Variants in RAD21L1 observed in about 807,000 individuals in gnomAD.
The protein encoded by RAD21L1 is RAD21 cohesin complex component like 1, also known as double-strand-break repair protein rad21-like protein 1.
A neutral mutation model predicts 69.0 loss-of-function variants in RAD21L1; 47 were observed. That is an observed-to-expected ratio of 0.68 (90% CI 0.54 to 0.87). The LOEUF is 0.87. Ranked by LOEUF, RAD21L1 falls within the 40% of genes least tolerant of loss-of-function variation. The pLI is 0.00. For missense variants in RAD21L1, 583 were observed against 647.6 expected (o/e 0.90, Z 1.08); for synonymous variants, 177 against 205.8 (o/e 0.86, Z 1.20).
At chr20:1,227,736 G>T (rs2087295065) in intron 1 of RAD21L1, among the ~76,000 whole-genome samples, 2 of 152,094 alleles carry the variant, frequency 1.3e-5, no homozygotes, top group Non-Finnish European at 2.9e-5. Flanking sequence ...TTTAAGTGAA[G>T]GTTTTCTTTT....
intron 5 of RAD21L1, among the ~76,000 whole-genome samples, chr20:1,237,322 T>C (rs533224665): frequency 2.0e-5 from 3 of 152,182 alleles, no homozygotes; most frequent in Admixed American, 6.5e-5. Context: ...GGATGCAGGC[T>C]CTGGAGTCAG....
chr20:1,251,689 T>C (rs905916895), intron 13 of RAD21L1, among the ~76,000 whole-genome samples: 1 of 152,082 alleles, frequency 6.6e-6, no homozygotes, highest in Non-Finnish European at 1.5e-5. Flanking sequence ...TTTGTGTTTT[T>C]CTACCCTCTA....
intron 5 of RAD21L1, 36 bp from the exon 6 acceptor site, chr20:1,238,008 T>A: frequency 8.6e-7 from 1 of 1,159,814 alleles, no homozygotes. Flanking sequence ...ATTCTGTGTT[T>A]CTATGAATTA....
At chr20:1,226,551 C>T (rs1205385164) in intron 1 of RAD21L1, among the ~76,000 whole-genome samples, 1 of 152,108 alleles carries the variant, frequency 6.6e-6, no homozygotes, top group Non-Finnish European at 1.5e-5. Flanking sequence ...CCGGCTCAGC[C>T]CTCTCTCCCC....
At position 1,238,219 on chromosome 20, in the gene RAD21L1, G is replaced by T; in HGVS notation, c.646+5G>T. ...GAGCTGCAGGAGAAATGATTGGTAT[G>T]CTATCTGGTCATGTGGAAATAAAAT... On this transcript the variant is annotated splice_donor_5th_base_variant and intron_variant, in intron 6 of 13. Transcript: ENST00000683101. 1 of 1,484,448 alleles carries T rather than the reference G, an allele frequency of 6.7e-7. No individual in the cohort carries two copies. Among genetic ancestry groups the T allele is most frequent in the Non-Finnish European group, 9.1e-7 (1 of 1,102,836 alleles). 92.0% of individuals were successfully genotyped at this position (1,484,448 alleles called of 1,614,324 possible). A position where few individuals can be genotyped will look rare whatever the true frequency, so the allele number is the denominator to read the frequency against.
chr20:1,243,069 A>G (rs537683864), intron 9 of RAD21L1, 28 bp from the exon 10 acceptor site: 172 of 1,437,508 alleles, frequency 1.2e-4, no homozygotes, highest in Non-Finnish European at 1.6e-4. Context: ...TACAAAAACA[A>G]AAAAAACAAA....
chr20:1,230,944 A>C (rs1265136826), intron 3 of RAD21L1: 1 of 157,996 alleles, frequency 6.3e-6, no homozygotes. Context: ...AGTATTTTTA[A>C]AACATTACAG....
Position 1,246,122 on chromosome 20 carries a change from C to A in RAD21L1, c.1309-91C>A. ...ATTTTAAATTAGTTTGAGAAGTGAG[C>A]ATTCATGTGATTAAAGCATTTAATA... On this transcript the variant is annotated intron_variant, in intron 11 of 13. Coordinates refer to ENST00000683101, the MANE Select transcript of RAD21L1 (RefSeq NM_001384355.1). This position sits in a 1 kb window ranked among gnomAD's most constrained non-coding sequence, Gnocchi z 4.6. 1.8e-6 allele frequency: 1 copy of A among 555,066 alleles called. No individual in the cohort carries two copies. Among genetic ancestry groups the A allele is most frequent in the Non-Finnish European group, 3.1e-6 (1 of 324,876 alleles). The allele number at this position is 555,066 out of a possible 1,614,324, so 34.4% of individuals were successfully genotyped here.
chr20:1,248,801 C>A (rs1043895877), intron 13 of RAD21L1, 98 bp downstream of exon 13: 68 of 708,656 alleles, frequency 9.6e-5, no homozygotes, highest in Non-Finnish European at 1.5e-4. Flanking sequence ...AATAATTTTC[C>A]TTATTTTTTT....
intron 2 of RAD21L1, among the ~76,000 whole-genome samples, chr20:1,229,252 T>TA (rs1251856959): frequency 6.6e-6 from 1 of 152,240 alleles, no homozygotes; most frequent in Admixed American, 6.5e-5. Context: ...ATTATTGCTT[T>TA]ATCACTTAAT....
At chr20:1,239,093 CT>C (rs1306824568) in intron 6 of RAD21L1, among the ~76,000 whole-genome samples, 1 of 152,112 alleles carries the variant, frequency 6.6e-6, no homozygotes, top group Non-Finnish European at 1.5e-5. Flanking sequence ...TCCCAATGTG[CT>C]GGGATTATAG....
chr20:1,242,630 A>G lies in RAD21L1; in HGVS notation c.868A>G (p.Lys290Glu). Residue 290 changes from lysine to glutamate, a missense_variant, in exon 9 of 14, where the codon AAA (lysine) becomes GAA (glutamate). Lys to Glu is a moderately conservative substitution (Grantham distance 56, BLOSUM62 1). Coordinates refer to ENST00000683101, the MANE Select transcript of RAD21L1 (RefSeq NM_001384355.1). ...DPIDISDIAE[K>E]RKGKKRRLLI... is the part of the protein sequence containing the mutation. ...TTTCTTATATTTAGACATTGCTGAG[A>G]AAAGGAAAGGCAAAAAGAGGAGATT... 6.4e-7 allele frequency: 1 copy of G among 1,550,404 alleles called. No individual in the cohort carries two copies. Among genetic ancestry groups the G allele is most frequent in the African/African-American group, 1.4e-5 (1 of 73,114 alleles).
At chr20:1,233,584 C>T (rs2087436110) in intron 4 of RAD21L1, among the ~76,000 whole-genome samples, 1 of 152,144 alleles carries the variant, frequency 6.6e-6, no homozygotes, top group Non-Finnish European at 1.5e-5. Flanking sequence ...TCCAGATAAA[C>T]TTGCCAGCAG....
At chr20:1,231,756 A>G (rs980446322) in intron 4 of RAD21L1, 137 bp downstream of exon 4, 6 of 579,638 alleles carry the variant, frequency 1.0e-5, no homozygotes, top group Non-Finnish European at 1.8e-5. Flanking sequence ...TATATTTGGT[A>G]TAAACTCCCA....
At chr20:1,237,228 A>G (rs1026964962) in intron 5 of RAD21L1, among the ~76,000 whole-genome samples, 1 of 152,184 alleles carries the variant, frequency 6.6e-6, no homozygotes, top group Non-Finnish European at 1.5e-5. Context: ...AGAGATTCAA[A>G]CCCAAGAGAG....
At chr20:1,228,311 T>G in intron 1 of RAD21L1, 111 bp from the exon 2 acceptor site, 1 of 521,254 alleles carries the variant, frequency 1.9e-6, no homozygotes, top group Non-Finnish European at 3.3e-6. Context: ...ATTGAATAAT[T>G]GAATTAGAAC....
chr20:1,240,458 T>A, intron 8 of RAD21L1, 24 bp downstream of exon 8: 6 of 1,531,062 alleles, frequency 3.9e-6, no homozygotes, highest in Non-Finnish European at 5.3e-6. Flanking sequence ...ACGGTTTTGT[T>A]TTAATTTTTA....
intron 1 of RAD21L1, among the ~76,000 whole-genome samples, chr20:1,226,688 G>T (rs1050605951): frequency 6.6e-6 from 1 of 152,114 alleles, no homozygotes; most frequent in African/African-American, 2.4e-5. Flanking sequence ...CCCCATCCCG[G>T]TGGCTTCACG....
intron 12 of RAD21L1, among the ~76,000 whole-genome samples, chr20:1,248,155 A>G (rs953326648): frequency 9.2e-5 from 14 of 151,398 alleles, no homozygotes; most frequent in South Asian, 6.2e-4. Flanking sequence ...TTCTAACCCA[A>G]TTGTACACAA....
Sources: gnomAD v4.1 joint callset for allele counts (sites outside exome capture counted in the v4.1 genomes callset) on GRCh38, gnomAD v4.1.1 for gene constraint, Gnocchi (gnomAD v3.1) non-coding constraint, MANE v1.5 for transcripts, NCBI Gene and HGNC (gene_info 2026-07-23, HGNC 2026-07-21) for gene names.